The following ZCCHC17 variants were observed in gnomAD, a reference collection of about 807,000 sequenced individuals.
The protein encoded by ZCCHC17 is zinc finger CCHC domain-containing protein 17.
A neutral mutation model predicts 30.6 loss-of-function variants in ZCCHC17; 18 were observed. The ratio of observed to expected loss-of-function variants is 0.59; its 90% confidence interval spans 0.41 to 0.87. The LOEUF (loss-of-function observed/expected upper bound fraction) is 0.87. Among genes scored for constraint, ZCCHC17 ranks in the 40% least tolerant of loss-of-function variants. ZCCHC17 has a pLI of 0.00. For missense variants in ZCCHC17, 263 were observed against 284.2 expected (o/e 0.93, Z 0.54); for synonymous variants, 88 against 92.4 (o/e 0.95, Z 0.27).
At chr1:31,333,484 C>T (rs1279277452) in intron 3 of ZCCHC17, among the ~76,000 whole-genome samples, 1 of 152,076 alleles carries the variant, frequency 6.6e-6, no homozygotes, top group Non-Finnish European at 1.5e-5. Flanking sequence ...GATTGTGCCA[C>T]TGCACTCCAG....
chr1:31,318,331 A>T, intron 2 of ZCCHC17: 2 of 1,056,376 alleles, frequency 1.9e-6, no homozygotes, highest in Admixed American at 2.2e-5. Flanking sequence ...AGGTTGGGGG[A>T]TGGGGTAGGC....
intron 7 of ZCCHC17, among the ~76,000 whole-genome samples, chr1:31,361,896 C>T (rs1028590088): frequency 2.6e-5 from 4 of 152,088 alleles, no homozygotes; most frequent in African/African-American, 9.7e-5. Flanking sequence ...ACTGCAACTT[C>T]CAGCTCTTGG....
chr1:31,300,063 CT>C (rs1353120022), intron 1 of ZCCHC17, among the ~76,000 whole-genome samples: 3 of 152,116 alleles, frequency 2.0e-5, no homozygotes, highest in Non-Finnish European at 4.4e-5. Flanking sequence ...CTAGCTACTA[CT>C]TTTGTTTGTT....
intron 1 of ZCCHC17, among the ~76,000 whole-genome samples, chr1:31,303,443 C>G (rs1264469415): frequency 1.3e-5 from 2 of 152,052 alleles, no homozygotes; most frequent in African/African-American, 4.8e-5. Flanking sequence ...AATTAGTACT[C>G]AAGTAACAAA....
intron 3 of ZCCHC17, among the ~76,000 whole-genome samples, chr1:31,324,874 C>T (rs1249903565): frequency 3.3e-5 from 5 of 151,898 alleles, no homozygotes; most frequent in African/African-American, 7.3e-5. Context: ...TCGGTGAAGC[C>T]GCACCTTCAA....
At chr1:31,356,014 C>G (rs1268343274) in intron 7 of ZCCHC17, among the ~76,000 whole-genome samples, 1 of 152,104 alleles carries the variant, frequency 6.6e-6, no homozygotes, top group Non-Finnish European at 1.5e-5. Flanking sequence ...AAGGAACATG[C>G]CTTTAGCAGT....
At chr1:31,345,148 CTGTT>C (rs149467715) in intron 5 of ZCCHC17, among the ~76,000 whole-genome samples, 59,280 of 147,654 alleles carry the variant, frequency 0.4, 14,922 homozygotes, top group Non-Finnish European at 0.58. Context: ...TGGCAATGTT[CTGTT>C]TGTTTGTTTG....
chr1:31,320,489 C>T (rs1054124162), intron 3 of ZCCHC17, among the ~76,000 whole-genome samples: 6 of 152,110 alleles, frequency 3.9e-5, no homozygotes, highest in Non-Finnish European at 5.9e-5. Context: ...CTCTCTATGC[C>T]CCCAGCTTTA....
At chr1:31,327,000 G>A (rs928864998) in intron 3 of ZCCHC17, among the ~76,000 whole-genome samples, 6 of 152,008 alleles carry the variant, frequency 3.9e-5, no homozygotes, top group African/African-American at 1.5e-4. Flanking sequence ...CAGATGTCAT[G>A]TTCTCAGAAT....
chr1:31,350,898 G>A (rs776211877), intron 7 of ZCCHC17, among the ~76,000 whole-genome samples: 7 of 152,130 alleles, frequency 4.6e-5, no homozygotes, highest in Non-Finnish European at 1.0e-4. Context: ...CTCCGCGCCT[G>A]GCAAACTTCC....
At chr1:31,301,491 A>G (rs1646311060) in intron 1 of ZCCHC17, among the ~76,000 whole-genome samples, 1 of 152,386 alleles carries the variant, frequency 6.6e-6, no homozygotes. Flanking sequence ...AAAATTTTAA[A>G]AAGAAAAATT....
rs1569773197 is a variant in ZCCHC17 at position 31,312,921 on chromosome 1, C to T, written c.66+2757C>T. On this transcript the variant is annotated intron_variant, in intron 2 of 7. Coordinates refer to ENST00000344147, the MANE Select transcript of ZCCHC17 (RefSeq NM_016505.4). Reference sequence around the variant, plus strand: ...CTAAGTAGCTGGGATTACAGGCGCCCACCACCACACCCAGCTAAATTTTGT... The same window carrying T: ...CTAAGTAGCTGGGATTACAGGCGCCTACCACCACACCCAGCTAAATTTTGT... Among the ~76,000 whole-genome samples the T allele has an allele frequency of 1.3e-5, 2 of 152,016 alleles. 1 individual carries two copies. Among genetic ancestry groups the T allele is most frequent in the Admixed American group, 1.3e-4 (2 of 15,250 alleles).
intron 1 of ZCCHC17, among the ~76,000 whole-genome samples, chr1:31,298,225 G>T (rs1646215648): frequency 6.6e-6 from 1 of 152,102 alleles, no homozygotes; most frequent in East Asian, 1.9e-4. Flanking sequence ...GGTGGGACTT[G>T]GTGATGGGTT....
chr1:31,361,549 T>C (rs1016687662), intron 7 of ZCCHC17, among the ~76,000 whole-genome samples: 1 of 152,232 alleles, frequency 6.6e-6, no homozygotes, highest in Non-Finnish European at 1.5e-5. Context: ...AACTTAATTC[T>C]ATCTTATTCC....
At chr1:31,323,620 C>G (rs918138865) in intron 3 of ZCCHC17, among the ~76,000 whole-genome samples, 6 of 152,144 alleles carry the variant, frequency 3.9e-5, no homozygotes, top group Non-Finnish European at 7.4e-5. Flanking sequence ...CGAGCCCGGC[C>G]TAGACCTCTG....
At chr1:31,340,793 CAAG>C (rs1639022931) in intron 5 of ZCCHC17, among the ~76,000 whole-genome samples, 1 of 152,056 alleles carries the variant, frequency 6.6e-6, no homozygotes, top group Admixed American at 6.6e-5. Flanking sequence ...ATTTAAAAGA[CAAG>C]AAAAATGATA....
At chr1:31,362,073 G>A (rs1343631583) in intron 7 of ZCCHC17, among the ~76,000 whole-genome samples, 1 of 152,192 alleles carries the variant, frequency 6.6e-6, no homozygotes, top group Non-Finnish European at 1.5e-5. Context: ...GCCTCCCAGA[G>A]TGCTGGGATT....
chr1:31,319,042 A>G, intron 2 of ZCCHC17, 67 bp from the exon 3 acceptor site: 1 of 1,548,314 alleles, frequency 6.5e-7, no homozygotes, highest in Non-Finnish European at 8.8e-7. Flanking sequence ...TGGGGAGACT[A>G]GGTTAAATGC....
intron 2 of ZCCHC17, among the ~76,000 whole-genome samples, chr1:31,315,950 C>G (rs1051216344): frequency 1.1e-4 from 16 of 152,150 alleles, no homozygotes; most frequent in African/African-American, 3.6e-4. Context: ...ATTAACCTTT[C>G]CTTTTGGGAG....
Sources: gnomAD v4.1 joint callset for allele counts (sites outside exome capture counted in the v4.1 genomes callset) on GRCh38, gnomAD v4.1.1 for gene constraint, MANE v1.5 for transcripts, NCBI Gene and HGNC (gene_info 2026-07-23, HGNC 2026-07-21) for gene names.